The following ROBO1 variants were observed in gnomAD, a reference collection of about 807,000 sequenced individuals.
The protein encoded by ROBO1 is roundabout guidance receptor 1, also known as roundabout homolog 1.
ROBO1 carries 149 observed loss-of-function variants against 195.9 expected under a neutral mutation model. That is an observed-to-expected ratio of 0.76 (90% CI 0.67 to 0.87). ROBO1 has a LOEUF of 0.87. Ranked by LOEUF, ROBO1 falls within the 40% of genes least tolerant of loss-of-function variation. The pLI is 0.00. For synonymous variants in ROBO1, 816 were observed against 733.2 expected (o/e 1.11, Z -1.82); for missense variants, 1,933 against 2,068.3 (o/e 0.93, Z 1.27).
intron 8 of ROBO1, among the ~76,000 whole-genome samples, chr3:78,702,819 CA>C (rs1182973074): frequency 8.4e-4 from 128 of 152,216 alleles, no homozygotes; most frequent in Middle Eastern, 3.4e-3. Context: ...AAACTCAGAC[CA>C]TCATGGAAGG....
At chr3:79,260,786 A>T (rs1576890138) in intron 2 of ROBO1, among the ~76,000 whole-genome samples, 1 of 152,122 alleles carries the variant, frequency 6.6e-6, no homozygotes, top group Admixed American at 6.6e-5. Flanking sequence ...GAGCAATCAC[A>T]ATTTTTTAAA....
At chr3:79,466,876 C>T (rs573884450) in intron 2 of ROBO1, among the ~76,000 whole-genome samples, 65 of 152,234 alleles carry the variant, frequency 4.3e-4, no homozygotes, top group African/African-American at 1.5e-3. Context: ...CAGACTATTT[C>T]AGGAACTGAT....
intron 2 of ROBO1, among the ~76,000 whole-genome samples, chr3:79,134,017 A>C (rs928763701): frequency 6.6e-6 from 1 of 151,540 alleles, no homozygotes; most frequent in African/African-American, 2.4e-5. Flanking sequence ...CAATGGCAAC[A>C]AAAGCCAAAA....
chr3:79,188,548 G>GCA lies in ROBO1; in HGVS notation c.89-63011_89-63010dup, dbSNP rs148120880. ...GATGTATACATGCACCTTTGCACACGCACACACACACACACATATACGTCG... is the reference window on the plus strand; with the variant it reads ...GATGTATACATGCACCTTTGCACACGCACACACACACACACACATATACGTCG... On this transcript the variant is annotated intron_variant, in intron 2 of 30. Transcript: ENST00000464233. Among the ~76,000 whole-genome samples, 52 of 149,844 alleles carry GCA rather than the reference G, an allele frequency of 3.5e-4. No homozygotes were observed. The South Asian group carries it at 6.6e-3, about 19-fold the overall frequency.
At chr3:78,963,560 C>T (rs1351059465) in intron 3 of ROBO1, among the ~76,000 whole-genome samples, 1 of 133,406 alleles carries the variant, frequency 7.5e-6, no homozygotes, top group East Asian at 2.3e-4. Context: ...GCTCTGTCGC[C>T]CAGGCTGGAG....
At position 79,605,605 on chromosome 3, in the gene ROBO1, C is replaced by A. The variant is rs559750813; in HGVS notation, c.-50-15644G>T. Among the ~76,000 whole-genome samples, 4 of 152,068 alleles carry A rather than the reference C, an allele frequency of 2.6e-5. No individual in the cohort carries two copies. In the South Asian group the frequency reaches 8.3e-4, roughly 32 times the overall value. On this transcript the variant is annotated intron_variant, in intron 1 of 30. Transcript: ENST00000464233. ...GATTCCTGAGAACCAGCTTCTTGTT[C>A]CAACTTCCACGTCCCAGCCATCAGT...
intron 2 of ROBO1, among the ~76,000 whole-genome samples, chr3:79,204,350 T>G (rs1370384035): frequency 2.0e-5 from 3 of 152,102 alleles, no homozygotes; most frequent in African/African-American, 7.2e-5. Context: ...AGTATGCCCA[T>G]GTATAACCAT....
At chr3:78,631,023 A>G in intron 25 of ROBO1, 138 bp downstream of exon 25, 1 of 884,024 alleles carries the variant, frequency 1.1e-6, no homozygotes, top group Non-Finnish European at 1.6e-6. Context: ...CCTGCTGACC[A>G]GCACTATTTT....
intron 2 of ROBO1, among the ~76,000 whole-genome samples, chr3:79,184,764 G>A (rs79530682): frequency 0.088 from 13,395 of 152,120 alleles, 1,011 homozygotes; most frequent in African/African-American, 0.2. Context: ...AAAAGTGGGG[G>A]AAATTGCTGG....
intron 3 of ROBO1, among the ~76,000 whole-genome samples, chr3:79,074,695 T>C (rs1281404916): frequency 1.3e-5 from 2 of 151,594 alleles, no homozygotes; most frequent in Non-Finnish European, 2.9e-5. Flanking sequence ...TCCCAAAACA[T>C]TGGGATTACA....
intron 2 of ROBO1, among the ~76,000 whole-genome samples, chr3:79,196,832 T>C (rs1559728272): frequency 6.6e-6 from 1 of 151,866 alleles, no homozygotes; most frequent in South Asian, 2.1e-4. Context: ...AAATATGTGA[T>C]ATCTGGATAG....
At chr3:79,718,165 T>C (rs1219433486) in intron 1 of ROBO1, among the ~76,000 whole-genome samples, 1 of 152,024 alleles carries the variant, frequency 6.6e-6, no homozygotes, top group East Asian at 1.9e-4. Context: ...CTAGTCCTAA[T>C]TTATTGAGTG....
chr3:79,710,109 ACAC>A (rs1658217952), intron 1 of ROBO1, among the ~76,000 whole-genome samples: 1 of 152,198 alleles, frequency 6.6e-6, no homozygotes, highest in Non-Finnish European at 1.5e-5. Flanking sequence ...AATTGACAGC[ACAC>A]AGAGTAAGGG....
At chr3:78,780,266 CAT>C (rs777568884) in intron 4 of ROBO1, among the ~76,000 whole-genome samples, 41 of 152,160 alleles carry the variant, frequency 2.7e-4, no homozygotes, top group Admixed American at 9.2e-4. Context: ...AAAAAATTCA[CAT>C]ATGTTAGTCT....
intron 1 of ROBO1, among the ~76,000 whole-genome samples, chr3:79,678,778 T>C (rs905603099): frequency 6.6e-6 from 1 of 152,084 alleles, no homozygotes; most frequent in Non-Finnish European, 1.5e-5. Context: ...CCAGCAATTA[T>C]AGTTTTTTGA....
chr3:79,598,116 CACA>C (rs754194090), intron 1 of ROBO1, among the ~76,000 whole-genome samples: 1 of 152,058 alleles, frequency 6.6e-6, no homozygotes, highest in Non-Finnish European at 1.5e-5. Context: ...GGCTGTATAT[CACA>C]AATGTGGTAA....
At chr3:78,646,123 T>G (rs1159743957) in intron 21 of ROBO1, 25 bp downstream of exon 21, 23 of 1,594,862 alleles carry the variant, frequency 1.4e-5, no homozygotes, top group Non-Finnish European at 1.5e-5. Flanking sequence ...CCCTGTAGGA[T>G]CTACAAAACA....
chr3:79,739,422 T>G (rs1703529670), intron 1 of ROBO1, among the ~76,000 whole-genome samples: 1 of 152,152 alleles, frequency 6.6e-6, no homozygotes, highest in African/African-American at 2.4e-5. Context: ...ATCTGCCAAC[T>G]TTTCCTTATA....
intron 2 of ROBO1, among the ~76,000 whole-genome samples, chr3:79,281,032 G>A (rs1032772154): frequency 2.6e-5 from 4 of 152,108 alleles, no homozygotes; most frequent in Admixed American, 1.3e-4. Context: ...AAATAAAAAA[G>A]AATGTACTTC....
Sources: gnomAD v4.1 joint callset for allele counts (sites outside exome capture counted in the v4.1 genomes callset) on GRCh38, gnomAD v4.1.1 for gene constraint, MANE v1.5 for transcripts, NCBI Gene and HGNC (gene_info 2026-07-23, HGNC 2026-07-21) for gene names.